The following DIAPH3 variants were observed in gnomAD, a reference collection of about 807,000 sequenced individuals.
DIAPH3 encodes protein diaphanous homolog 3.
Under a neutral mutation model 144.3 loss-of-function variants are expected in DIAPH3, and 117 were observed. That is an observed-to-expected ratio of 0.81 (90% CI 0.70 to 0.95). The LOEUF is 0.95. Ranked by LOEUF, DIAPH3 falls within the 40% of genes least tolerant of loss-of-function variation. The pLI, the probability that DIAPH3 is intolerant of heterozygous loss-of-function variation, is 0.00. For synonymous variants in DIAPH3, 519 were observed against 488.9 expected (o/e 1.06, Z -0.81); for missense variants, 1,421 against 1,412.7 (o/e 1.01, Z -0.09).
At chr13:60,055,463 T>C (rs1209251995) in intron 4 of DIAPH3, among the ~76,000 whole-genome samples, 1 of 151,940 alleles carries the variant, frequency 6.6e-6, no homozygotes, top group Non-Finnish European at 1.5e-5. Context: ...ATAACACTTC[T>C]ACCTGCTTAC....
At chr13:59,957,210 G>A (rs1299271154) in intron 17 of DIAPH3, among the ~76,000 whole-genome samples, 1 of 152,118 alleles carries the variant, frequency 6.6e-6, no homozygotes, top group Non-Finnish European at 1.5e-5. Flanking sequence ...ACCAGGGGTG[G>A]AATGATATGG....
intron 22 of DIAPH3, among the ~76,000 whole-genome samples, chr13:59,857,610 A>G (rs1290538399): frequency 1.2e-4 from 18 of 152,216 alleles, no homozygotes; most frequent in Admixed American, 1.2e-3. Flanking sequence ...GCTTAAATCT[A>G]TTCACAGCTG....
At chr13:59,906,447 G>A (rs1416535021) in intron 20 of DIAPH3, among the ~76,000 whole-genome samples, 1 of 152,118 alleles carries the variant, frequency 6.6e-6, no homozygotes, top group East Asian at 1.9e-4. Flanking sequence ...GGATACGGGG[G>A]ACATCTACAT....
chr13:59,706,319 A>G (rs1190014847), intron 27 of DIAPH3, among the ~76,000 whole-genome samples: 1 of 152,168 alleles, frequency 6.6e-6, no homozygotes, highest in Non-Finnish European at 1.5e-5. Context: ...TCAACTGCAC[A>G]TCTTTTACAT....
At chr13:59,730,724 C>T (rs1365426126) in intron 27 of DIAPH3, among the ~76,000 whole-genome samples, 2 of 152,218 alleles carry the variant, frequency 1.3e-5, no homozygotes, top group African/African-American at 4.8e-5. Flanking sequence ...GCTTTTGTTA[C>T]ATTGGCAAGT....
chr13:60,112,444 T>G (rs2058594401), intron 2 of DIAPH3, among the ~76,000 whole-genome samples: 1 of 152,192 alleles, frequency 6.6e-6, no homozygotes, highest in African/African-American at 2.4e-5. Flanking sequence ...CACATAGATT[T>G]GAGCTTCTAA....
intron 5 of DIAPH3, among the ~76,000 whole-genome samples, chr13:60,039,662 A>G (rs1382347056): frequency 6.6e-6 from 1 of 152,100 alleles, no homozygotes; most frequent in Non-Finnish European, 1.5e-5. Flanking sequence ...AAAACCATCA[A>G]TCAGTTCAAT....
In DIAPH3 at chr13:60,003,822, C is replaced by G. The variant is rs556131708; in HGVS notation, c.1014+4722G>C. 6.6e-5 allele frequency among the ~76,000 whole-genome samples: 10 copies of G among 152,116 alleles called. No individual in the cohort carries two copies. In the South Asian group the frequency reaches 2.1e-3, roughly 32 times the overall value. On this transcript the variant is annotated intron_variant, in intron 9 of 27. Coordinates refer to ENST00000400324, the MANE Select transcript of DIAPH3 (RefSeq NM_001042517.2). ...GTCTCAATCTCCTGACCTTGTGATT[C>G]GTCTGTCTCGGCCTCCCAAAGTGCT... is the stretch of plus-strand genomic sequence containing the variant.
At chr13:59,697,106 C>T (rs2033840862) in intron 27 of DIAPH3, among the ~76,000 whole-genome samples, 1 of 151,882 alleles carries the variant, frequency 6.6e-6, no homozygotes, top group Non-Finnish European at 1.5e-5. Flanking sequence ...AATAATACCT[C>T]CTCAAACTAC....
chr13:59,740,981 G>C (rs1174389444), intron 27 of DIAPH3, among the ~76,000 whole-genome samples: 1 of 152,198 alleles, frequency 6.6e-6, no homozygotes, highest in Non-Finnish European at 1.5e-5. Flanking sequence ...TGAGCAGATA[G>C]GGGTAAGGGT....
At chr13:59,726,900 A>G (rs1412457396) in intron 27 of DIAPH3, among the ~76,000 whole-genome samples, 13 of 152,198 alleles carry the variant, frequency 8.5e-5, no homozygotes, top group Admixed American at 8.5e-4. Flanking sequence ...TGGTGAATGG[A>G]GTAGAAATTA....
At chr13:60,028,156 G>A (rs1425113282) in intron 5 of DIAPH3, among the ~76,000 whole-genome samples, 1 of 151,978 alleles carries the variant, frequency 6.6e-6, no homozygotes, top group African/African-American at 2.4e-5. Flanking sequence ...TGTTCACCAA[G>A]TTCCATTCAC....
At position 59,708,614 on chromosome 13, in the gene DIAPH3, G is replaced by A. The variant is rs946564150; in HGVS notation, c.3320-41768C>T. Among the ~76,000 whole-genome samples the A allele has an allele frequency of 3.3e-5, 5 of 151,894 alleles. No individual in the cohort carries two copies. In the South Asian group the frequency reaches 6.2e-4, roughly 19 times the overall value. On this transcript the variant is annotated intron_variant, in intron 27 of 27. Coordinates refer to ENST00000400324, the MANE Select transcript of DIAPH3 (RefSeq NM_001042517.2). ...TTCCATCTCAGTGTTTTGTGTTTCC[G>A]CCCTTCCTCCTGAGCCCCAAATGTC... is the stretch of plus-strand genomic sequence containing the variant.
chr13:59,975,946 C>T (rs189388411), intron 14 of DIAPH3, among the ~76,000 whole-genome samples: 1 of 151,846 alleles, frequency 6.6e-6, no homozygotes, highest in Non-Finnish European at 1.5e-5. Flanking sequence ...TTACTAACTA[C>T]AAAACAAGCC....
chr13:59,754,032 T>G (rs2037142186), intron 27 of DIAPH3, among the ~76,000 whole-genome samples: 1 of 152,138 alleles, frequency 6.6e-6, no homozygotes, highest in East Asian at 1.9e-4. Context: ...TCAACCAATT[T>G]AAATACATGC....
intron 18 of DIAPH3, among the ~76,000 whole-genome samples, chr13:59,920,839 T>C (rs1477666924): frequency 1.3e-5 from 2 of 151,848 alleles, no homozygotes; most frequent in Non-Finnish European, 2.9e-5. Context: ...TCATATGTTA[T>C]GCCACAAAAC....
Position 60,085,290 on chromosome 13 carries a change from G to A in DIAPH3, c.495+8338C>T, listed in dbSNP as rs572124334. ...ACACTCATTTTGATGTTATGCATAT[G>A]GCAAACTATCCTTGAAGCCACCATG... On this transcript the variant is annotated intron_variant, in intron 4 of 27. Transcript: ENST00000400324. Among the ~76,000 whole-genome samples, 29 of 152,090 alleles carry A rather than the reference G, an allele frequency of 1.9e-4. 1 individual carries two copies. In the East Asian group the frequency reaches 5.0e-3, roughly 26 times the overall value.
intron 23 of DIAPH3, among the ~76,000 whole-genome samples, chr13:59,837,485 T>C (rs1374977247): frequency 1.3e-5 from 2 of 152,020 alleles, no homozygotes; most frequent in African/African-American, 4.8e-5. Context: ...AACCTGAGCT[T>C]CATAATTAGT....
intron 17 of DIAPH3, among the ~76,000 whole-genome samples, chr13:59,944,945 C>G: frequency 6.6e-6 from 1 of 152,194 alleles, no homozygotes; most frequent in East Asian, 1.9e-4. Flanking sequence ...CTCCCTCTTG[C>G]GGGCCAGCAA....
Sources: allele counts gnomAD v4.1 joint callset (sites outside exome capture counted in the v4.1 genomes callset), GRCh38; gene constraint gnomAD v4.1.1; transcripts MANE v1.5; gene names NCBI Gene and HGNC (gene_info 2026-07-23, HGNC 2026-07-21).